Variants in TEAD1 observed in about 807,000 individuals in gnomAD.
TEAD1 encodes TEA domain transcription factor 1, also known as transcriptional enhancer factor TEF-1.
TEAD1 carries 9 observed loss-of-function variants against 54.9 expected under a neutral mutation model. That is an observed-to-expected ratio of 0.16 (90% CI 0.10 to 0.29). The LOEUF is 0.29. TEAD1 is among the 10% of genes least tolerant of loss of function. TEAD1 has a pLI of 1.00. For missense variants in TEAD1, 387 were observed against 535.9 expected (o/e 0.72, Z 2.74); for synonymous variants, 200 against 187.8 (o/e 1.07, Z -0.53).
chr11:12,764,357 G>T lies in TEAD1; in HGVS notation c.125G>T (p.Ser42Ile). ...GTCTGGAGCCCCGACATCGAGCAAA[G>T]CTTTCAGGAGGCCCTGGCTATCTAT... Residue 42 changes from serine to isoleucine, a missense_variant, in exon 3 of 13, where the codon AGC becomes ATC. Transcript: ENST00000527636. The T allele has an allele frequency of 6.2e-7, 1 of 1,614,156 alleles. No individual in the cohort carries two copies. The highest frequency in any genetic ancestry group is 8.5e-7 in the Non-Finnish European group (1 of 1,180,008).
At chr11:12,875,340 G>T (rs1947833963) in intron 5 of TEAD1, among the ~76,000 whole-genome samples, 1 of 152,168 alleles carries the variant, frequency 6.6e-6, no homozygotes, top group Admixed American at 6.5e-5. Context: ...CTGACACTTA[G>T]AGTTATTTTT....
intron 2 of TEAD1, among the ~76,000 whole-genome samples, chr11:12,677,671 A>G (rs923970039): frequency 2.0e-5 from 3 of 152,254 alleles, no homozygotes; most frequent in African/African-American, 4.8e-5. Context: ...TGTTTAGATC[A>G]TATTTGTCCT....
intron 4 of TEAD1, among the ~76,000 whole-genome samples, chr11:12,863,633 A>T (rs968344945): frequency 2.0e-5 from 3 of 152,202 alleles, no homozygotes; most frequent in Admixed American, 2.0e-4. Flanking sequence ...GAGTCGCTGA[A>T]CTTTTAAATG....
chr11:12,719,621 G>T (rs574157970), intron 2 of TEAD1, among the ~76,000 whole-genome samples: 35 of 152,120 alleles, frequency 2.3e-4, no homozygotes, highest in African/African-American at 8.4e-4. Flanking sequence ...CAGGCTAGGG[G>T]CAGGGATTTG....
chr11:12,821,913 C>G (rs1946554007), intron 3 of TEAD1, among the ~76,000 whole-genome samples: 1 of 149,964 alleles, frequency 6.7e-6, no homozygotes, highest in Non-Finnish European at 1.5e-5. Context: ...TCTCCCTCCC[C>G]TTTTCTCTTT....
chr11:12,747,110 G>A (rs557396636), intron 2 of TEAD1, among the ~76,000 whole-genome samples: 1 of 152,158 alleles, frequency 6.6e-6, no homozygotes, highest in East Asian at 1.9e-4. Context: ...GGCTGTCCTT[G>A]TAATTCCTTA....
At chr11:12,924,861 A>G (rs764489122) in intron 10 of TEAD1, 51 bp from the exon 11 acceptor site, 2 of 1,612,514 alleles carry the variant, frequency 1.2e-6, no homozygotes, top group South Asian at 1.1e-5. Context: ...GCTCGGTGCC[A>G]TGACTCCTGG....
At chr11:12,859,884 A>T (rs1225193269) in intron 3 of TEAD1, among the ~76,000 whole-genome samples, 1 of 152,216 alleles carries the variant, frequency 6.6e-6, no homozygotes, top group Non-Finnish European at 1.5e-5. Flanking sequence ...AAGTTGGCAT[A>T]TATTGATAAT....
intron 2 of TEAD1, among the ~76,000 whole-genome samples, chr11:12,707,756 A>G (rs978915470): frequency 2.0e-5 from 3 of 152,236 alleles, no homozygotes; most frequent in Non-Finnish European, 4.4e-5. Flanking sequence ...ATTGTCTGGC[A>G]CAGTAGGACA....
chr11:12,744,444 A>G (rs1292425920), intron 2 of TEAD1, among the ~76,000 whole-genome samples: 5 of 152,230 alleles, frequency 3.3e-5, no homozygotes, highest in African/African-American at 1.2e-4. Flanking sequence ...AATCACAGAC[A>G]CAGAGAAGTT....
At chr11:12,692,253 G>T (rs1303744306) in intron 2 of TEAD1, among the ~76,000 whole-genome samples, 5 of 152,158 alleles carry the variant, frequency 3.3e-5, no homozygotes, top group African/African-American at 1.2e-4. Flanking sequence ...GCAAAGCAGG[G>T]CTCATTTTAA....
At chr11:12,826,283 C>T (rs975029938) in intron 3 of TEAD1, among the ~76,000 whole-genome samples, 4 of 152,120 alleles carry the variant, frequency 2.6e-5, no homozygotes, top group Admixed American at 2.6e-4. Flanking sequence ...AAAATATTAC[C>T]ACTTTCTGGG....
At chr11:12,750,850 A>G (rs1944855644) in intron 2 of TEAD1, among the ~76,000 whole-genome samples, 1 of 152,216 alleles carries the variant, frequency 6.6e-6, no homozygotes, top group African/African-American at 2.4e-5. Flanking sequence ...CGAGAGACAG[A>G]ATAAACTCCT....
At position 12,879,831 on chromosome 11, in the gene TEAD1, G is replaced by C; in HGVS notation, c.454G>C (p.Gly152Arg). ...TGGGATTCCACGCCCGACCTTCCCA[G>C]GGGCGCCGGGGGTAAGTCATGAGCT... The change falls in exon 6 of 13, where the codon GGG becomes CGG. Residue 152 changes from glycine (G) to arginine (R), a missense_variant. Transcript: ENST00000527636. The C allele has an allele frequency of 6.2e-7, 1 of 1,613,482 alleles. No homozygotes were observed. Among genetic ancestry groups the C allele is most frequent in the Non-Finnish European group, 8.5e-7 (1 of 1,180,020 alleles).
At chr11:12,880,944 A>C in intron 6 of TEAD1, 61 bp from the exon 7 acceptor site, 1 of 1,589,748 alleles carries the variant, frequency 6.3e-7, no homozygotes, top group South Asian at 1.1e-5. Context: ...ATGCGTAGGC[A>C]TCCTAAACTG....
intron 3 of TEAD1, among the ~76,000 whole-genome samples, chr11:12,846,869 G>A (rs1370726593): frequency 1.3e-5 from 2 of 152,200 alleles, no homozygotes; most frequent in East Asian, 1.9e-4. Flanking sequence ...CATTCTGTTA[G>A]GGAACAAAAC....
intron 3 of TEAD1, among the ~76,000 whole-genome samples, chr11:12,788,388 TC>T (rs1945726591): frequency 6.6e-6 from 1 of 152,112 alleles, no homozygotes; most frequent in Non-Finnish European, 1.5e-5. Context: ...CGCCTCGGCC[TC>T]CCAAAGTGCT....
intron 2 of TEAD1, among the ~76,000 whole-genome samples, chr11:12,694,910 A>G (rs866757038): frequency 6.6e-6 from 1 of 152,330 alleles, no homozygotes; most frequent in South Asian, 2.1e-4. Flanking sequence ...AGGAAGATGG[A>G]AAAAAATTTG....
chr11:12,879,363 T>C lies in TEAD1; in HGVS notation c.331-345T>C, dbSNP rs535915303. 112 of 560,050 alleles carry C rather than the reference T, an allele frequency of 2.0e-4. 1 individual carries two copies. In the South Asian group the frequency reaches 2.3e-3, roughly 11 times the overall value. The allele number at this position is 560,050 out of a possible 1,614,324, so 34.7% of individuals were successfully genotyped here. A position where few individuals can be genotyped will look rare whatever the true frequency, so the allele number is the denominator to read the frequency against. Reference sequence around the variant, plus strand: ...GCTTAAAAGCAGGGCCTTTATTTTTTTTTCTTCCTTAAATGTTTTAAGTAA... The same window carrying C: ...GCTTAAAAGCAGGGCCTTTATTTTTCTTTCTTCCTTAAATGTTTTAAGTAA... On this transcript the variant is annotated intron_variant, in intron 5 of 12. Coordinates refer to ENST00000527636, the MANE Select transcript of TEAD1 (RefSeq NM_021961.6).
Sources: allele counts gnomAD v4.1 joint callset (sites outside exome capture counted in the v4.1 genomes callset), GRCh38; gene constraint gnomAD v4.1.1; transcripts MANE v1.5; gene names NCBI Gene and HGNC (gene_info 2026-07-23, HGNC 2026-07-21).